Variants in PIK3C2A observed in about 807,000 individuals in gnomAD.
The protein encoded by PIK3C2A is phosphatidylinositol-4-phosphate 3-kinase catalytic subunit type 2 alpha.
In PIK3C2A, 97 loss-of-function variants were observed where a neutral mutation model predicts 204.5. The observed-to-expected ratio is 0.47, with a 90% CI of 0.40 to 0.56. The LOEUF is 0.56. Among genes scored for constraint, PIK3C2A ranks in the 20% least tolerant of loss-of-function variants. The pLI is 0.00. For missense variants in PIK3C2A, 1,735 were observed against 1,969.2 expected, an observed-to-expected ratio of 0.88 and a Z score of 2.25; for synonymous variants, 653 against 664.4, an observed-to-expected ratio of 0.98 and a Z score of 0.26.
intron 22 of PIK3C2A, among the ~76,000 whole-genome samples, chr11:17,109,181 G>C (rs189992459): frequency 1.6e-3 from 243 of 152,330 alleles, no homozygotes; most frequent in African/African-American, 5.7e-3. Context: ...TAGAATTTGT[G>C]AAGTGTTTCT....
chr11:17,149,395 T>C (rs1850356136), intron 4 of PIK3C2A, among the ~76,000 whole-genome samples: 1 of 152,162 alleles, frequency 6.6e-6, no homozygotes, highest in Non-Finnish European at 1.5e-5. Flanking sequence ...TGTGCATCAG[T>C]TGTATGATAA....
chr11:17,172,385 A>G lies in PIK3C2A; in HGVS notation c.-65-2579T>C, dbSNP rs182267053. 2.3e-4 allele frequency among the ~76,000 whole-genome samples: 35 copies of G among 152,320 alleles called. 1 individual carries two copies. The highest frequency in any genetic ancestry group is 7.7e-4 in the African/African-American group (32 of 41,578). On this transcript the variant is annotated intron_variant, in intron 1 of 32. Transcript: ENST00000691414. ...GGATGAGAGGGGCCAGCTAACAGCC[A>G]GCACCAACCACCAAACATGTGAGTG...
intron 13 of PIK3C2A, among the ~76,000 whole-genome samples, chr11:17,124,959 T>A (rs984561747): frequency 2.6e-5 from 4 of 152,194 alleles, no homozygotes. Context: ...TTGATTCAGA[T>A]TTAGTTCTTT....
At chr11:17,111,337 A>C (rs1848994420) in intron 21 of PIK3C2A, among the ~76,000 whole-genome samples, 1 of 152,224 alleles carries the variant, frequency 6.6e-6, no homozygotes, top group Admixed American at 6.5e-5. Flanking sequence ...ATTACTATGA[A>C]GAAGAGTACA....
At position 17,119,959 on chromosome 11, in the gene PIK3C2A, A is replaced by G. The variant is rs761604740; in HGVS notation, c.2673T>C (p.Asp891=). 1 of 1,561,350 alleles carries G rather than the reference A, an allele frequency of 6.4e-7. No individual in the cohort carries two copies. The highest frequency in any genetic ancestry group is 8.8e-7 in the Non-Finnish European group (1 of 1,138,286). ...AACGTTTCTCCCATAAAAAAGCTTTATCTTCTTTAGAAAGTCTGCATATAT... is the reference window on the plus strand; with the variant it reads ...AACGTTTCTCCCATAAAAAAGCTTTGTCTTCTTTAGAAAGTCTGCATATAT... ...KDSSLGLSKE[D]KAFLWEKRYY... is the part of the protein sequence containing the mutation. The change falls in exon 16 of 33, where the codon GAT becomes GAC. Residue 891 remains aspartate (D), a synonymous_variant. Coordinates refer to ENST00000691414, the MANE Select transcript of PIK3C2A (RefSeq NM_002645.4).
chr11:17,139,102 G>A (rs1409914329), intron 8 of PIK3C2A, among the ~76,000 whole-genome samples: 1 of 151,870 alleles, frequency 6.6e-6, no homozygotes, highest in African/African-American at 2.4e-5. Flanking sequence ...AAGTAGAGAC[G>A]AGGTTTCACC....
chr11:17,158,640 G>A (rs1359611067), intron 2 of PIK3C2A, among the ~76,000 whole-genome samples: 1 of 151,970 alleles, frequency 6.6e-6, no homozygotes, highest in Non-Finnish European at 1.5e-5. Context: ...AACACAATGT[G>A]AAAAACAACG....
intron 1 of PIK3C2A, among the ~76,000 whole-genome samples, chr11:17,184,043 C>G (rs1362859615): frequency 6.6e-6 from 1 of 151,846 alleles, no homozygotes; most frequent in Non-Finnish European, 1.5e-5. Context: ...TCACTTGAGA[C>G]CAGGAGTTTG....
chr11:17,148,506 C>T, intron 5 of PIK3C2A, 161 bp downstream of exon 5: 1 of 638,658 alleles, frequency 1.6e-6, no homozygotes, highest in Non-Finnish European at 2.6e-6. Context: ...GACATGACAT[C>T]TTAGACATTA....
intron 2 of PIK3C2A, among the ~76,000 whole-genome samples, chr11:17,162,679 A>G (rs1850816656): frequency 1.3e-5 from 2 of 152,226 alleles, no homozygotes; most frequent in African/African-American, 4.8e-5. Flanking sequence ...CATTTTCTGT[A>G]CATCACTTTC....
At position 17,110,580 on chromosome 11, in the gene PIK3C2A, A is replaced by G. The variant is rs1333059133; in HGVS notation, c.3415-19T>C. On this transcript the variant is annotated intron_variant, in intron 21 of 32. Coordinates refer to ENST00000691414, the MANE Select transcript of PIK3C2A (RefSeq NM_002645.4). ...CACCAACCTTGAAATCAAGGAAACA[A>G]AATGAAACTTGTACATCTCCAAAAG... The G allele has an allele frequency of 6.2e-7, 1 of 1,601,150 alleles. No homozygotes were observed. The highest frequency in any genetic ancestry group is 1.3e-5 in the African/African-American group (1 of 74,372).
At chr11:17,171,124 T>C (rs1267842239) in intron 1 of PIK3C2A, among the ~76,000 whole-genome samples, 1 of 152,086 alleles carries the variant, frequency 6.6e-6, no homozygotes, top group African/African-American at 2.4e-5. Flanking sequence ...AAAGAAGGTA[T>C]ATGACCTTGG....
Position 17,169,560 on chromosome 11 carries a change from G to C in PIK3C2A, c.182C>G (p.Thr61Ser). Residue 61 changes from threonine (T) to serine (S), a missense_variant, in exon 2 of 33, where the codon ACC becomes AGC. Physicochemically the swap from Thr to Ser is moderately conservative, Grantham distance 58 (BLOSUM62 1). This residue lies in a region of PIK3C2A where 536 missense variants were observed against 546.7 expected (regional missense o/e 0.98). Coordinates refer to ENST00000691414, the MANE Select transcript of PIK3C2A (RefSeq NM_002645.4). Reference sequence around the variant, plus strand: ...GTTATAAACCTGTGCTTTTTTTCTGGTGCTGCTTGACAACTCAAAGCCTCT... The same window carrying C: ...GTTATAAACCTGTGCTTTTTTTCTGCTGCTGCTTGACAACTCAAAGCCTCT... Reference protein sequence around the residue: ...NQRGFELSSSTRKKAQVYNKQ... With the variant: ...NQRGFELSSSSRKKAQVYNKQ... 1.2e-6 allele frequency: 2 copies of C among 1,613,754 alleles called. No homozygotes were observed. The highest frequency in any genetic ancestry group is 1.7e-6 in the Non-Finnish European group (2 of 1,179,930).
chr11:17,156,152 A>C (rs1205237409), intron 2 of PIK3C2A, among the ~76,000 whole-genome samples: 2 of 152,204 alleles, frequency 1.3e-5, no homozygotes, highest in Non-Finnish European at 2.9e-5. Context: ...TCTGGTCAAA[A>C]ACTGTTTACA....
At chr11:17,146,194 T>G (rs1261413336) in intron 6 of PIK3C2A, among the ~76,000 whole-genome samples, 2 of 152,168 alleles carry the variant, frequency 1.3e-5, no homozygotes, top group African/African-American at 4.8e-5. Context: ...GATATATAAA[T>G]AGCTTTTGGA....
chr11:17,189,949 CA>C, intron 1 of PIK3C2A, among the ~76,000 whole-genome samples: 1 of 148,834 alleles, frequency 6.7e-6, no homozygotes. Flanking sequence ...AAAGATGCCC[CA>C]AATGTTGGAA....
chr11:17,101,300 A>C lies in PIK3C2A; in HGVS notation c.3986T>G (p.Leu1329Arg), dbSNP rs756909876. ...TACCAGTGAAAGGAGGTTAAGAAAA[A>C]GGTTTGTCTGCTTTCTTATCAAGTT... ...AYNLIRKQTN[L>R]FLNLLSLMIP... is the part of the protein sequence containing the mutation. The change falls in exon 25 of 33, where the codon CTT becomes CGT. Residue 1329 changes from leucine (L) to arginine (R), a missense_variant. Around this residue, in one of 6 missense-constraint regions of PIK3C2A, gnomAD observed 503 missense variants for 669.0 expected, o/e 0.75. Transcript: ENST00000691414. 5.8e-5 allele frequency: 90 copies of C among 1,548,620 alleles called. No homozygotes were observed. The highest frequency in any genetic ancestry group is 7.8e-5 in the Non-Finnish European group (88 of 1,134,972).
At position 17,125,828 on chromosome 11, in the gene PIK3C2A, T is replaced by C. The variant is rs566904408; in HGVS notation, c.2400-3015A>G. On this transcript the variant is annotated intron_variant, in intron 13 of 32. Coordinates refer to ENST00000691414, the MANE Select transcript of PIK3C2A (RefSeq NM_002645.4). The stretch of plus-strand genomic sequence containing the variant: ...TAAAGATTTTCTATAAAAAAAACTT[T>C]GTCATATCAATTACTGCTAGGCATG... Among the ~76,000 whole-genome samples the C allele has an allele frequency of 3.4e-3, 511 of 152,202 alleles. 1 individual carries two copies. The highest frequency in any genetic ancestry group is 6.3e-3 in the Non-Finnish European group (426 of 67,988).
rs748246990 is a variant in PIK3C2A, at chr11:17,091,618, C to T, written c.4681G>A (p.Gly1561Arg). ...TAAGAGATGGATAATTTCACAGCTC[C>T]TCCTATTTGGCCTGGAGTAGGACTG... is the stretch of plus-strand genomic sequence containing the variant. ...SFSPTPGQIGGAVKLSISYRN... is the reference protein window; with the variant it reads ...SFSPTPGQIGRAVKLSISYRN... Residue 1561 changes from glycine to arginine, a missense_variant, in exon 31 of 33, where the codon GGA (glycine) becomes AGA (arginine). This residue lies in a region of PIK3C2A where 503 missense variants were observed against 669.0 expected (regional missense o/e 0.75). Transcript: ENST00000691414. 9 of 1,612,788 alleles carry T rather than the reference C, an allele frequency of 5.6e-6. No homozygotes were observed. The highest frequency in any genetic ancestry group is 7.6e-6 in the Non-Finnish European group (9 of 1,178,988).
Sources: allele counts gnomAD v4.1 joint callset (sites outside exome capture counted in the v4.1 genomes callset), GRCh38; gene constraint gnomAD v4.1.1; regional missense constraint gnomAD v4.1.1; transcripts MANE v1.5; gene names NCBI Gene and HGNC (gene_info 2026-07-23, HGNC 2026-07-21).